VAT1L: variants seen among roughly 807,000 people sequenced by gnomAD.
The protein encoded by VAT1L is vesicle amine transport 1 like, also known as putative NADPH-dependent quinone oxidoreductase VAT1L.
A neutral mutation model predicts 44.1 loss-of-function variants in VAT1L; 34 were observed. The observed-to-expected ratio is 0.77, with a 90% CI of 0.59 to 1.03. VAT1L has a LOEUF of 1.03. VAT1L is among the 50% of genes least tolerant of loss of function. The probability of loss-of-function intolerance (pLI) is 0.00; values close to 1 mark genes in which losing one functional copy is unlikely to be tolerated. For missense variants in VAT1L, 615 were observed against 538.8 expected (o/e 1.14, Z -1.40); for synonymous variants, 253 against 202.2 (o/e 1.25, Z -2.13).
intron 2 of VAT1L, among the ~76,000 whole-genome samples, chr16:77,822,676 GA>G: frequency 1.3e-5 from 2 of 152,300 alleles, no homozygotes; most frequent in Non-Finnish European, 2.9e-5. Flanking sequence ...GCTACCCAAG[GA>G]TAAGGAAAGG....
chr16:77,947,792 G>A lies in VAT1L; in HGVS notation c.1078-24058G>A, dbSNP rs2017988427. On this transcript the variant is annotated intron_variant, in intron 7 of 8. Coordinates refer to ENST00000302536, the MANE Select transcript of VAT1L (RefSeq NM_020927.3). ...GTTTTTGAGGTGGAGTTTCGCTCTT[G>A]TTGTCCAGGCTGGAGTTTGCGCAAT... Among the ~76,000 whole-genome samples, 3 of 152,112 alleles carry A rather than the reference G, an allele frequency of 2.0e-5. No individual in the cohort carries two copies. The South Asian group carries it at 6.2e-4, about 31-fold the overall frequency.
rs1425826504 is a variant in VAT1L, at chr16:77,884,620, G to T, written c.895G>T (p.Glu299Ter). The change falls in exon 7 of 9, where the codon GAG becomes TAG. Residue 299 changes from glutamate to a stop codon, truncating the protein, a stop_gained. Transcript: ENST00000302536. LOFTEE classifies it high-confidence loss of function. The surrounding 1 kb of genome is among the most constrained non-coding windows in gnomAD (Gnocchi z 4.5). ...CCTCTCTTTGCAGTGGTGGCAGGTG[G>T]AGAAGGTGAACCCCATCAAGCTGTA... Reference protein sequence around the residue: ...FSFAKSWWQVEKVNPIKLYEE... With the variant: ...FSFAKSWWQV 1 of 1,613,078 alleles carries T rather than the reference G, an allele frequency of 6.2e-7. No individual in the cohort carries two copies. The highest frequency in any genetic ancestry group is 8.5e-7 in the Non-Finnish European group (1 of 1,179,730).
intron 4 of VAT1L, among the ~76,000 whole-genome samples, chr16:77,867,024 C>A (rs764709427): frequency 7.2e-5 from 11 of 152,164 alleles, no homozygotes; most frequent in Non-Finnish European, 1.5e-4. Context: ...ATAATAATAG[C>A]CACGCTTTGT....
chr16:77,880,819 C>T (rs74462789), intron 6 of VAT1L, among the ~76,000 whole-genome samples: 1 of 151,882 alleles, frequency 6.6e-6, no homozygotes, highest in African/African-American at 2.4e-5. Context: ...CATGAGTACC[C>T]AGCTCCCACT....
chr16:77,814,192 C>G (rs1181938209), intron 1 of VAT1L, among the ~76,000 whole-genome samples: 6 of 152,174 alleles, frequency 3.9e-5, no homozygotes, highest in Non-Finnish European at 8.8e-5. Flanking sequence ...ACTAAACGCT[C>G]AGCAAAAGCT....
intron 4 of VAT1L, among the ~76,000 whole-genome samples, chr16:77,864,861 G>A (rs1235454244): frequency 3.3e-5 from 5 of 151,218 alleles, no homozygotes; most frequent in Non-Finnish European, 5.9e-5. Flanking sequence ...CTTAAAGCTA[G>A]ATGTTAGAAG....
At chr16:77,814,567 G>T (rs1385384493) in intron 1 of VAT1L, among the ~76,000 whole-genome samples, 2 of 152,178 alleles carry the variant, frequency 1.3e-5, no homozygotes, top group East Asian at 1.9e-4. Flanking sequence ...TCTCCAGGGG[G>T]CTGCCATGTT....
chr16:77,867,573 A>T (rs1191688180), intron 4 of VAT1L, among the ~76,000 whole-genome samples: 1 of 152,284 alleles, frequency 6.6e-6, no homozygotes, highest in East Asian at 1.9e-4. Flanking sequence ...AAATATATTT[A>T]AGGCCAGGCT....
intron 1 of VAT1L, among the ~76,000 whole-genome samples, chr16:77,807,899 G>C (rs1218251433): frequency 6.6e-6 from 1 of 152,162 alleles, no homozygotes; most frequent in Non-Finnish European, 1.5e-5. Flanking sequence ...GGTGATTGCA[G>C]AGGACTGCTT....
chr16:77,924,005 C>G (rs1227823347), intron 7 of VAT1L, among the ~76,000 whole-genome samples: 1 of 151,164 alleles, frequency 6.6e-6, no homozygotes, highest in Non-Finnish European at 1.5e-5. Context: ...AGCTCTGAAA[C>G]TAGACACACA....
chr16:77,812,788 C>A (rs2016287812), intron 1 of VAT1L, among the ~76,000 whole-genome samples: 1 of 152,168 alleles, frequency 6.6e-6, no homozygotes, highest in South Asian at 2.1e-4. Flanking sequence ...CTTTTTCAAA[C>A]CTCTATCTTC....
intron 7 of VAT1L, among the ~76,000 whole-genome samples, chr16:77,910,444 G>A (rs1367512709): frequency 4.6e-5 from 7 of 152,006 alleles, no homozygotes; most frequent in Non-Finnish European, 5.9e-5. Context: ...AGGCCGAGGC[G>A]GGCGAATCAC....
intron 7 of VAT1L, among the ~76,000 whole-genome samples, chr16:77,914,844 G>A (rs1225925516): frequency 6.6e-6 from 1 of 152,196 alleles, no homozygotes. Context: ...AGAGTTGATG[G>A]GCCGGACACG....
At chr16:77,922,351 C>T (rs999741088) in intron 7 of VAT1L, among the ~76,000 whole-genome samples, 3 of 152,068 alleles carry the variant, frequency 2.0e-5, no homozygotes, top group Admixed American at 2.0e-4. Context: ...ATTACCAAGG[C>T]CAGTTCCATC....
chr16:77,918,000 A>C (rs2017568772), intron 7 of VAT1L, among the ~76,000 whole-genome samples: 1 of 152,214 alleles, frequency 6.6e-6, no homozygotes, highest in East Asian at 1.9e-4. Context: ...TCCCCCAACT[A>C]GGCAGGGAAA....
In VAT1L at chr16:77,940,968, C is replaced by T. The variant is rs368349617; in HGVS notation, c.1078-30882C>T. Among the ~76,000 whole-genome samples, 12 of 151,744 alleles carry T rather than the reference C, an allele frequency of 7.9e-5. No individual in the cohort carries two copies. The East Asian group carries it at 1.9e-3, about 24-fold the overall frequency. On this transcript the variant is annotated intron_variant, in intron 7 of 8. Transcript: ENST00000302536. ...CTCTCCCTTTTCAACAAAGAGGGAG[C>T]AGGCTTCAAGTTCAGAGTCTTCAGG... is the stretch of plus-strand genomic sequence containing the variant.
At chr16:77,946,276 G>GTTTTTTTTTTTTTTTTTTTT (rs1597114758) in intron 7 of VAT1L, among the ~76,000 whole-genome samples, 3 of 33,860 alleles carry the variant, frequency 8.9e-5, no homozygotes, top group Non-Finnish European at 1.7e-4. Flanking sequence ...TAGGTTACTT[G>GTTTTTTTTTTTTTTTTTTTT]TTCTTTTTTT....
chr16:77,950,189 C>A (rs8051730), intron 7 of VAT1L, among the ~76,000 whole-genome samples: 85,003 of 151,992 alleles, frequency 0.56, 24,016 homozygotes, highest in East Asian at 0.67. Flanking sequence ...CAGGTGGATG[C>A]CTTGAGGTCA....
At chr16:77,894,099 C>T (rs2017296439) in intron 7 of VAT1L, among the ~76,000 whole-genome samples, 1 of 152,166 alleles carries the variant, frequency 6.6e-6, no homozygotes, top group African/African-American at 2.4e-5. Flanking sequence ...GTTTGGCTCT[C>T]GAGTCCATGC....
Sources: gnomAD v4.1 joint callset for allele counts (sites outside exome capture counted in the v4.1 genomes callset) on GRCh38, gnomAD v4.1.1 for gene constraint, Gnocchi (gnomAD v3.1) non-coding constraint, MANE v1.5 for transcripts, NCBI Gene and HGNC (gene_info 2026-07-23, HGNC 2026-07-21) for gene names.